HECW1: variants seen among roughly 807,000 people sequenced by gnomAD.
HECW1 encodes HECT, C2 and WW domain containing E3 ubiquitin protein ligase 1, also known as E3 ubiquitin-protein ligase HECW1.
Under a neutral mutation model 182.3 loss-of-function variants are expected in HECW1, and 61 were observed. The ratio of observed to expected loss-of-function variants is 0.33; its 90% CI spans 0.27 to 0.41. HECW1 has a LOEUF of 0.41. Among genes scored for constraint, HECW1 ranks in the 10% least tolerant of loss-of-function variants. The probability of loss-of-function intolerance (pLI) is 1.00; values close to 1 mark genes in which losing one functional copy is unlikely to be tolerated. For missense variants in HECW1, 1,739 were observed against 2,108.9 expected (o/e 0.82, Z 3.44); for synonymous variants, 859 against 832.6 (o/e 1.03, Z -0.55).
intron 24 of HECW1, among the ~76,000 whole-genome samples, chr7:43,535,522 G>GCAGT (rs2081148965): frequency 6.6e-6 from 1 of 152,152 alleles, no homozygotes; most frequent in African/African-American, 2.4e-5. Flanking sequence ...AGTGCACACT[G>GCAGT]GGTCCAGGCT....
chr7:43,284,074 C>T (rs1804280471), intron 3 of HECW1, among the ~76,000 whole-genome samples: 1 of 152,088 alleles, frequency 6.6e-6, no homozygotes, highest in Non-Finnish European at 1.5e-5. Context: ...CAGGGCTCTC[C>T]TGTGTTTGAG....
chr7:43,356,158 G>A (rs1162695913), intron 5 of HECW1, among the ~76,000 whole-genome samples: 2 of 152,066 alleles, frequency 1.3e-5, no homozygotes, highest in Non-Finnish European at 2.9e-5. Flanking sequence ...CTGCCTATAA[G>A]AAACCCACTT....
At chr7:43,529,677 C>T (rs1019976311) in intron 24 of HECW1, among the ~76,000 whole-genome samples, 3 of 152,190 alleles carry the variant, frequency 2.0e-5, no homozygotes, top group Admixed American at 6.5e-5. Context: ...TTAACACCCT[C>T]GCTGGAGTCC....
intron 4 of HECW1, among the ~76,000 whole-genome samples, chr7:43,312,868 A>G (rs1341728705): frequency 6.6e-6 from 1 of 152,246 alleles, no homozygotes; most frequent in Non-Finnish European, 1.5e-5. Context: ...TGTTTACCCA[A>G]AAGTCGAGTT....
At chr7:43,479,029 A>G (rs2078321717) in intron 16 of HECW1, among the ~76,000 whole-genome samples, 2 of 152,192 alleles carry the variant, frequency 1.3e-5, no homozygotes, top group Non-Finnish European at 2.9e-5. Flanking sequence ...TTCTGACACC[A>G]GGGACCAGTT....
intron 24 of HECW1, among the ~76,000 whole-genome samples, chr7:43,539,593 T>C (rs1448870766): frequency 6.6e-6 from 1 of 152,266 alleles, no homozygotes; most frequent in South Asian, 2.1e-4. Flanking sequence ...ATCATTTATT[T>C]CATATCTGCA....
chr7:43,261,017 T>A (rs898026760), intron 3 of HECW1, among the ~76,000 whole-genome samples: 4 of 152,190 alleles, frequency 2.6e-5, no homozygotes, highest in Non-Finnish European at 2.9e-5. Context: ...AGAAATTAAT[T>A]AACTTGCCCA....
At chr7:43,483,641 T>C (rs1057211943) in intron 17 of HECW1, among the ~76,000 whole-genome samples, 1 of 148,296 alleles carries the variant, frequency 6.7e-6, no homozygotes, top group Non-Finnish European at 1.5e-5. Context: ...CTCTGCCTCC[T>C]GGGTTCAAGC....
intron 5 of HECW1, among the ~76,000 whole-genome samples, chr7:43,329,867 G>A (rs1030630830): frequency 5.9e-5 from 9 of 152,170 alleles, no homozygotes; most frequent in Non-Finnish European, 8.8e-5. Context: ...CAAGGCAGTC[G>A]TTTACCCAGG....
intron 2 of HECW1, among the ~76,000 whole-genome samples, chr7:43,208,064 T>C (rs1434417315): frequency 6.6e-6 from 1 of 152,200 alleles, no homozygotes; most frequent in Non-Finnish European, 1.5e-5. Context: ...CAAACATCGC[T>C]CCTCTCCCAT....
chr7:43,518,732 A>G (rs946231545), intron 24 of HECW1, among the ~76,000 whole-genome samples: 3 of 152,222 alleles, frequency 2.0e-5, no homozygotes, highest in African/African-American at 7.2e-5. Flanking sequence ...GAGAAGAACA[A>G]ATTCAAATGA....
intron 10 of HECW1, among the ~76,000 whole-genome samples, chr7:43,443,226 T>A (rs551262894): frequency 2.6e-5 from 4 of 152,312 alleles, no homozygotes; most frequent in Non-Finnish European, 5.9e-5. Flanking sequence ...CATCTCAATA[T>A]AGATCATACT....
intron 24 of HECW1, among the ~76,000 whole-genome samples, chr7:43,537,461 T>C (rs1301611724): frequency 1.3e-5 from 2 of 152,250 alleles, no homozygotes; most frequent in African/African-American, 4.8e-5. Flanking sequence ...TAACAGCTAA[T>C]GTAATCAACT....
At chr7:43,267,524 C>A (rs1266236561) in intron 3 of HECW1, among the ~76,000 whole-genome samples, 2 of 150,766 alleles carry the variant, frequency 1.3e-5, no homozygotes, top group Non-Finnish European at 3.0e-5. Context: ...TAACTGTGTT[C>A]AAGTAAAAAA....
chr7:43,288,064 A>C (rs1458843368), intron 3 of HECW1, among the ~76,000 whole-genome samples: 1 of 152,210 alleles, frequency 6.6e-6, no homozygotes. Flanking sequence ...ACTCATTGTT[A>C]GATTTTCTGT....
chr7:43,145,434 C>T (rs1788600617), intron 2 of HECW1, among the ~76,000 whole-genome samples: 1 of 152,072 alleles, frequency 6.6e-6, no homozygotes, highest in Non-Finnish European at 1.5e-5. Flanking sequence ...TAGCTGGGAC[C>T]ACAGATATGT....
intron 2 of HECW1, among the ~76,000 whole-genome samples, chr7:43,120,073 A>G (rs1402437396): frequency 6.6e-6 from 1 of 152,250 alleles, no homozygotes; most frequent in Non-Finnish European, 1.5e-5. Flanking sequence ...AGTGCAAAAC[A>G]GTCACAAGTC....
chr7:43,542,144 C>T, intron 26 of HECW1, 146 bp downstream of exon 26: 1 of 637,136 alleles, frequency 1.6e-6, no homozygotes, highest in Non-Finnish European at 2.3e-6. Context: ...ATCTCCAGAA[C>T]TTTTTCATCT....
intron 5 of HECW1, among the ~76,000 whole-genome samples, chr7:43,345,863 T>C (rs1276948271): frequency 8.6e-5 from 13 of 151,390 alleles, no homozygotes; most frequent in Non-Finnish European, 1.6e-4. Context: ...TATATATATA[T>C]ACACACACAC....
Sources: allele counts gnomAD v4.1 joint callset (sites outside exome capture counted in the v4.1 genomes callset), GRCh38; gene constraint gnomAD v4.1.1; transcripts MANE v1.5; gene names NCBI Gene and HGNC (gene_info 2026-07-23, HGNC 2026-07-21).